FMN2: variants seen among roughly 807,000 people sequenced by gnomAD.
FMN2 encodes formin-2.
A neutral mutation model predicts 142.3 loss-of-function variants in FMN2; 51 were observed. That is an observed-to-expected ratio of 0.36 (90% confidence interval 0.29 to 0.45). The LOEUF is 0.45. Ranked by LOEUF, FMN2 falls within the 20% of genes least tolerant of loss-of-function variation. FMN2 has a pLI of 1.00. For synonymous variants in FMN2, 882 were observed against 869.8 expected (o/e 1.01, Z -0.25); for missense variants, 1,936 against 2,122.8 (o/e 0.91, Z 1.73).
chr1:240,113,207 G>A (rs551955588), intron 1 of FMN2, among the ~76,000 whole-genome samples: 18 of 152,190 alleles, frequency 1.2e-4, no homozygotes, highest in African/African-American at 3.1e-4. Context: ...GTGAAAGCCC[G>A]TGTCAGAGGG....
At position 240,123,349 on chromosome 1, in the gene FMN2, A is replaced by G; in HGVS notation, c.1782+4A>G. The G allele has an allele frequency of 1.2e-6, 2 of 1,612,548 alleles. No individual in the cohort carries two copies. Among genetic ancestry groups the G allele is most frequent in the Non-Finnish European group, 1.7e-6 (2 of 1,179,108 alleles). On this transcript the variant is annotated splice_donor_region_variant and intron_variant, in intron 2 of 17. Coordinates refer to ENST00000319653, the MANE Select transcript of FMN2 (RefSeq NM_020066.5). ...GACGAATGCAGCTTCGTTTGATGTA[A>G]GTAGGAGAATTCACTTCTGTCCGTG...
At chr1:240,442,805 G>A (rs1178725649) in intron 16 of FMN2, among the ~76,000 whole-genome samples, 4 of 152,136 alleles carry the variant, frequency 2.6e-5, no homozygotes, top group Non-Finnish European at 5.9e-5. Context: ...CTACACATCC[G>A]TGTCGGATAG....
intron 16 of FMN2, among the ~76,000 whole-genome samples, chr1:240,453,943 T>G (rs1427033409): frequency 9.4e-5 from 1 of 10,592 alleles, no homozygotes; most frequent in African/African-American, 2.3e-4. Context: ...GAGCCGAGAT[T>G]GCGCCACTGC....
chr1:240,437,977 A>G, intron 15 of FMN2, 84 bp from the exon 16 acceptor site: 2 of 1,487,086 alleles, frequency 1.3e-6, no homozygotes, highest in Non-Finnish European at 9.1e-7. Context: ...GCATGAATAA[A>G]ATCAGCATTT....
intron 7 of FMN2, among the ~76,000 whole-genome samples, chr1:240,294,345 T>G (rs75956001): frequency 0.02 from 3,077 of 152,316 alleles, 100 homozygotes; most frequent in African/African-American, 0.07. Context: ...GATTATAATA[T>G]TTTGAGGAAT....
intron 7 of FMN2, among the ~76,000 whole-genome samples, chr1:240,258,242 C>G (rs1668516222): frequency 6.6e-6 from 1 of 152,172 alleles, no homozygotes; most frequent in African/African-American, 2.4e-5. Flanking sequence ...ACCTTACTAA[C>G]AGTCTAATTA....
At chr1:240,296,867 A>T (rs1015257777) in intron 8 of FMN2, among the ~76,000 whole-genome samples, 1 of 152,148 alleles carries the variant, frequency 6.6e-6, no homozygotes, top group African/African-American at 2.4e-5. Context: ...GCTTTCAGTG[A>T]TTTATTATAC....
At chr1:240,347,819 C>G (rs2103036342) in intron 13 of FMN2, among the ~76,000 whole-genome samples, 1 of 152,256 alleles carries the variant, frequency 6.6e-6, no homozygotes, top group East Asian at 1.9e-4. Flanking sequence ...TGCATTAGTT[C>G]ATTTAGGATA....
At chr1:240,212,356 C>A (rs1666723757) in intron 6 of FMN2, among the ~76,000 whole-genome samples, 1 of 152,150 alleles carries the variant, frequency 6.6e-6, no homozygotes, top group African/African-American at 2.4e-5. Context: ...TCACCCCAGG[C>A]ATTTTATTAA....
At chr1:240,234,268 T>C (rs1456954045) in intron 6 of FMN2, among the ~76,000 whole-genome samples, 1 of 152,176 alleles carries the variant, frequency 6.6e-6, no homozygotes, top group Non-Finnish European at 1.5e-5. Context: ...TCATCCCCCC[T>C]ACCCTCGCCA....
chr1:240,254,964 T>C (rs974580643), intron 6 of FMN2, among the ~76,000 whole-genome samples: 1 of 152,132 alleles, frequency 6.6e-6, no homozygotes, highest in Non-Finnish European at 1.5e-5. Context: ...GCGCTCCCTC[T>C]GGAGGGGTGC....
chr1:240,284,393 C>T (rs975347030), intron 7 of FMN2, among the ~76,000 whole-genome samples: 3 of 152,040 alleles, frequency 2.0e-5, no homozygotes, highest in African/African-American at 7.2e-5. Flanking sequence ...GACATTTTCC[C>T]CCTCATCTAG....
At chr1:240,246,604 G>A (rs985725931) in intron 6 of FMN2, among the ~76,000 whole-genome samples, 1 of 152,124 alleles carries the variant, frequency 6.6e-6, no homozygotes, top group Non-Finnish European at 1.5e-5. Flanking sequence ...CCGAAAGCTC[G>A]TTAGAAACAA....
rs575711532 is a variant in FMN2 at position 240,264,518 on chromosome 1, C to G, written c.4153+6486C>G. Among the ~76,000 whole-genome samples the G allele has an allele frequency of 2.0e-5, 3 of 152,192 alleles. No individual in the cohort carries two copies. The East Asian group carries it at 5.8e-4, about 29-fold the overall frequency. ...TCTACATTAGCTGTTTCTCCTAATA[C>G]TATCCCTCCCTTTGCCCCCTACCCC... is the stretch of plus-strand genomic sequence containing the variant. On this transcript the variant is annotated intron_variant, in intron 7 of 17. Transcript: ENST00000319653.
intron 13 of FMN2, among the ~76,000 whole-genome samples, chr1:240,337,203 CTTTTTTTTTTTT>C (rs752506621): frequency 0.02 from 1,789 of 90,620 alleles, 73 homozygotes; most frequent in African/African-American, 0.064. Flanking sequence ...TATTCCTTTT[CTTTTTTTTTTTT>C]TTTTTTTTTT....
Position 240,438,184 on chromosome 1 carries a change from A to G in FMN2, c.5034A>G (p.Lys1678=), listed in dbSNP as rs1675466906. ...CTGACTTTAAAGACTTCTGGAAGAAAGAGAACAAACTTCTTCTACAAGAGA... is the reference window on the plus strand; with the variant it reads ...CTGACTTTAAAGACTTCTGGAAGAAGGAGAACAAACTTCTTCTACAAGAGA... ...FSSDFKDFWK[K]ENKLLLQERV... Residue 1678 remains lysine (K), a synonymous_variant, in exon 16 of 18, where the codon AAA becomes AAG. Transcript: ENST00000319653. The G allele has an allele frequency of 6.2e-7, 1 of 1,613,800 alleles. No individual in the cohort carries two copies. The highest frequency in any genetic ancestry group is 8.5e-7 in the Non-Finnish European group (1 of 1,179,932).
At chr1:240,360,984 G>C (rs368411151) in intron 14 of FMN2, among the ~76,000 whole-genome samples, 7 of 151,744 alleles carry the variant, frequency 4.6e-5, no homozygotes, top group East Asian at 2.0e-4. Flanking sequence ...GGTCGGGAGA[G>C]GGGGGAGGGA....
Position 240,259,862 on chromosome 1 carries a change from T to C in FMN2, c.4153+1830T>C, listed in dbSNP as rs1668570420. 2.0e-5 allele frequency among the ~76,000 whole-genome samples: 3 copies of C among 152,170 alleles called. No individual in the cohort carries two copies. In the South Asian group the frequency reaches 6.2e-4, roughly 32 times the overall value. ...TGGTGCACACATCACCCAAGCAGTATACACTGAACCCAATTTGTAGTCTTT... is the reference window on the plus strand; with the variant it reads ...TGGTGCACACATCACCCAAGCAGTACACACTGAACCCAATTTGTAGTCTTT... On this transcript the variant is annotated intron_variant, in intron 7 of 17. Coordinates refer to ENST00000319653, the MANE Select transcript of FMN2 (RefSeq NM_020066.5).
intron 3 of FMN2, among the ~76,000 whole-genome samples, chr1:240,184,528 T>TG (rs200062280): frequency 1.3e-5 from 2 of 151,356 alleles, no homozygotes; most frequent in East Asian, 3.9e-4. Context: ...TTTTTTTTTT[T>TG]TTTTTTTTTT....
Sources: allele counts gnomAD v4.1 joint callset (sites outside exome capture counted in the v4.1 genomes callset), GRCh38; gene constraint gnomAD v4.1.1; transcripts MANE v1.5; gene names NCBI Gene and HGNC (gene_info 2026-07-23, HGNC 2026-07-21).